PIK3R1: variants seen among roughly 807,000 people sequenced by gnomAD.
PIK3R1 encodes phosphatidylinositol 3-kinase regulatory subunit alpha.
Under a neutral mutation model 98.0 loss-of-function variants are expected in PIK3R1, and 29 were observed. The observed-to-expected ratio is 0.30, with a 90% CI of 0.22 to 0.40. The LOEUF (loss-of-function observed/expected upper bound fraction) is 0.40. Among genes scored for constraint, PIK3R1 ranks in the 10% least tolerant of loss-of-function variants. The pLI is 1.00. For missense variants in PIK3R1, 596 were observed against 872.7 expected (o/e 0.68, Z 3.99); for synonymous variants, 282 against 311.8 (o/e 0.90, Z 1.01).
chr5:68,262,407 C>T (rs374793023), intron 2 of PIK3R1, among the ~76,000 whole-genome samples: 2 of 110,454 alleles, frequency 1.8e-5, no homozygotes, highest in Non-Finnish European at 1.9e-5. Context: ...TATATATACA[C>T]ACACGCACAC....
At chr5:68,229,254 A>G (rs1744390712) in intron 2 of PIK3R1, among the ~76,000 whole-genome samples, 1 of 152,192 alleles carries the variant, frequency 6.6e-6, no homozygotes, top group Non-Finnish European at 1.5e-5. Flanking sequence ...TGCATGTTGA[A>G]TTCATATGGA....
At chr5:68,228,619 T>C (rs1744368108) in intron 2 of PIK3R1, among the ~76,000 whole-genome samples, 1 of 152,142 alleles carries the variant, frequency 6.6e-6, no homozygotes, top group South Asian at 2.1e-4. Context: ...CACCTTTTAT[T>C]TTTTTTAAGT....
chr5:68,297,689 A>G lies in PIK3R1; in HGVS notation c.*88A>G. The G allele has an allele frequency of 9.2e-7, 1 of 1,083,494 alleles. No individual in the cohort carries two copies. The allele number at this position is 1,083,494 out of a possible 1,614,324, so 67.1% of individuals were successfully genotyped here. A position where few individuals can be genotyped will look rare whatever the true frequency, so the allele number is the denominator to read the frequency against. On this transcript the variant is annotated 3_prime_UTR_variant, in exon 16 of 16. Coordinates refer to ENST00000521381, the MANE Select transcript of PIK3R1 (RefSeq NM_181523.3). ...GGCTCCTCTCCAGTCTGATCTGTGA[A>G]TTGAGCTGCAGAAACGAAGCCATCT...
intron 1 of PIK3R1, among the ~76,000 whole-genome samples, chr5:68,223,951 A>G (rs1270500149): frequency 6.6e-6 from 1 of 152,176 alleles, no homozygotes; most frequent in African/African-American, 2.4e-5. Flanking sequence ...TTCCCATTCT[A>G]TTAAGAATCC....
intron 2 of PIK3R1, among the ~76,000 whole-genome samples, chr5:68,270,655 T>C (rs1746316907): frequency 6.6e-6 from 1 of 152,148 alleles, no homozygotes; most frequent in African/African-American, 2.4e-5. Flanking sequence ...AGATTTGGGG[T>C]GTGCTAAGTC....
chr5:68,265,632 A>G (rs1405793558), intron 2 of PIK3R1, among the ~76,000 whole-genome samples: 1 of 152,088 alleles, frequency 6.6e-6, no homozygotes, highest in African/African-American at 2.4e-5. Flanking sequence ...CTGCCTCCCA[A>G]AGGCCCATCT....
At chr5:68,284,310 G>A (rs561972593) in intron 7 of PIK3R1, among the ~76,000 whole-genome samples, 9 of 152,202 alleles carry the variant, frequency 5.9e-5, no homozygotes, top group African/African-American at 1.9e-4. Context: ...CCTTACTGAC[G>A]CCATGTTCCC....
rs187449086 is a variant in PIK3R1 at position 68,258,463 on chromosome 5, C to G, written c.335-14927C>G. 3.3e-5 allele frequency among the ~76,000 whole-genome samples: 5 copies of G among 152,284 alleles called. No individual in the cohort carries two copies. In the East Asian group the frequency reaches 9.6e-4, roughly 29 times the overall value. ...CTATGTACATATTTCGACCTCTGCC[C>G]TCTTTAAGTTATTTTCATTTGTCTT... On this transcript the variant is annotated intron_variant, in intron 2 of 15. Transcript: ENST00000521381.
chr5:68,287,108 G>C (rs1747109539), intron 7 of PIK3R1, among the ~76,000 whole-genome samples: 1 of 152,188 alleles, frequency 6.6e-6, no homozygotes, highest in Non-Finnish European at 1.5e-5. Context: ...CTGTTGGCCT[G>C]TGTGGACTTT....
In PIK3R1 at chr5:68,239,481, CA is replaced by C. The variant is rs142776181; in HGVS notation, c.334+12473del. ...CACACGCATTATTTTTCAGGTACTG[CA>C]CTAACCTTTTATTCCATTGACTTGT... On this transcript the variant is annotated intron_variant, in intron 2 of 15. Coordinates refer to ENST00000521381, the MANE Select transcript of PIK3R1 (RefSeq NM_181523.3). Among the ~76,000 whole-genome samples the C allele has an allele frequency of 5.2e-3, 788 of 152,266 alleles. 10 individuals are homozygous for C. Among genetic ancestry groups the C allele is most frequent in the African/African-American group, 0.018 (749 of 41,548 alleles).
intron 4 of PIK3R1, 129 bp downstream of exon 4, chr5:68,274,142 G>A: frequency 2.6e-6 from 2 of 756,590 alleles, no homozygotes; most frequent in South Asian, 1.5e-5. Context: ...CTCAAATCAT[G>A]TACAGTTCTC....
chr5:68,235,693 G>T (rs964183005), intron 2 of PIK3R1, among the ~76,000 whole-genome samples: 1 of 152,200 alleles, frequency 6.6e-6, no homozygotes, highest in East Asian at 1.9e-4. Context: ...AAATAATAAG[G>T]AATATCTGTG....
At chr5:68,265,731 C>G (rs1483775783) in intron 2 of PIK3R1, among the ~76,000 whole-genome samples, 1 of 152,148 alleles carries the variant, frequency 6.6e-6, no homozygotes, top group African/African-American at 2.4e-5. Flanking sequence ...ACTTCCACAT[C>G]TGACTTTAAA....
intron 2 of PIK3R1, among the ~76,000 whole-genome samples, chr5:68,270,076 A>G (rs951958317): frequency 5.3e-5 from 8 of 151,880 alleles, no homozygotes; most frequent in African/African-American, 1.9e-4. Context: ...TTTTCTTTTT[A>G]AAGCAATCTG....
chr5:68,288,547 G>T, intron 7 of PIK3R1: 1 of 1,488,634 alleles, frequency 6.7e-7, no homozygotes, highest in South Asian at 1.4e-5. Context: ...CTGGGCCACT[G>T]TGCACGCCCG....
chr5:68,269,629 A>G (rs960436838), intron 2 of PIK3R1, among the ~76,000 whole-genome samples: 1 of 152,230 alleles, frequency 6.6e-6, no homozygotes, highest in Non-Finnish European at 1.5e-5. Context: ...TGGAAAAGTA[A>G]TTCTTGACCT....
At chr5:68,246,997 T>G (rs1410898579) in intron 2 of PIK3R1, among the ~76,000 whole-genome samples, 2 of 152,224 alleles carry the variant, frequency 1.3e-5, no homozygotes, top group African/African-American at 4.8e-5. Flanking sequence ...CAATAAATCT[T>G]GCCACCTATT....
At chr5:68,289,849 AT>A (rs2112233723) in intron 7 of PIK3R1, among the ~76,000 whole-genome samples, 1 of 149,122 alleles carries the variant, frequency 6.7e-6, no homozygotes, top group Non-Finnish European at 1.5e-5. Flanking sequence ...TCAGTGAAAT[AT>A]TTTGCAAAGA....
intron 14 of PIK3R1, 77 bp from the exon 15 acceptor site, chr5:68,296,094 A>G: frequency 5.0e-6 from 7 of 1,396,998 alleles, no homozygotes; most frequent in Non-Finnish European, 7.0e-6. Flanking sequence ...TGACGGGGGT[A>G]TGCCTAGGGA....
Sources: allele counts gnomAD v4.1 joint callset (sites outside exome capture counted in the v4.1 genomes callset), GRCh38; gene constraint gnomAD v4.1.1; transcripts MANE v1.5; gene names NCBI Gene and HGNC (gene_info 2026-07-23, HGNC 2026-07-21).